SH2D3C: variants seen among roughly 807,000 people sequenced by gnomAD.
SH2D3C encodes the protein SH2 domain containing 3C.
Under a neutral mutation model 75.2 loss-of-function variants are expected in SH2D3C, and 25 were observed. The ratio of observed to expected loss-of-function variants is 0.33; its 90% CI spans 0.24 to 0.46. The LOEUF (loss-of-function observed/expected upper bound fraction) is 0.46. SH2D3C is among the 20% of genes least tolerant of loss of function. The probability of loss-of-function intolerance (pLI) is 1.00; values close to 1 mark genes in which losing one functional copy is unlikely to be tolerated. For synonymous variants in SH2D3C, 450 were observed against 473.7 expected, an observed-to-expected ratio of 0.95 and a Z score of 0.65; for missense variants, 933 against 1,165.3, an observed-to-expected ratio of 0.80 and a Z score of 2.90.
intron 2 of SH2D3C, among the ~76,000 whole-genome samples, chr9:127,765,912 CATTA>C (rs747636028): frequency 1.8e-4 from 28 of 152,314 alleles, no homozygotes; most frequent in South Asian, 6.2e-4. Context: ...TAATCATCAG[CATTA>C]ATTATTTAAA....
intron 3 of SH2D3C, among the ~76,000 whole-genome samples, chr9:127,753,258 G>C (rs1845252728): frequency 6.6e-6 from 1 of 152,130 alleles, no homozygotes; most frequent in Non-Finnish European, 1.5e-5. Flanking sequence ...TGGGCAGAAG[G>C]AGTGGGGGAA....
chr9:127,762,538 C>T (rs3962613), intron 2 of SH2D3C: 416,626 of 419,012 alleles, frequency 0.99, 207,173 homozygotes, highest in East Asian at 1. Flanking sequence ...GCCAAAAACC[C>T]TGTGGTCCTT....
Position 127,744,793 on chromosome 9 carries a change from C to T in SH2D3C, c.1571G>A (p.Arg524Lys), listed in dbSNP as rs903894910. Residue 524 changes from arginine (R) to lysine (K), a missense_variant, in exon 7 of 12, where the codon AGG becomes AAG. By Grantham distance (26) the Arg-to-Lys change is conservative (BLOSUM62 2). Transcript: ENST00000314830. ...CCCATTTTCTGACAGTTCCTTTAGCCTCTCCCCATAGCTCCTGGCCTGCTG... is the reference window on the plus strand; with the variant it reads ...CCCATTTTCTGACAGTTCCTTTAGCTTCTCCCCATAGCTCCTGGCCTGCTG... ...SSQQARSYGE[R>K]LKELSENGAP... is the part of the protein sequence containing the mutation. 3.7e-6 allele frequency: 6 copies of T among 1,614,126 alleles called. No individual in the cohort carries two copies. In the African/African-American group the frequency reaches 8.0e-5, roughly 22 times the overall value.
At position 127,749,294 on chromosome 9, in the gene SH2D3C, G is replaced by T. The variant is rs1845125580; in HGVS notation, c.1056C>A (p.Gly352=). The change falls in exon 5 of 12, where the codon GGC becomes GGA. Residue 352 remains glycine, a synonymous_variant. Coordinates refer to ENST00000314830, the MANE Select transcript of SH2D3C (RefSeq NM_170600.3). The surrounding 1 kb of genome is among the most constrained non-coding windows in gnomAD (Gnocchi z 5.9). ...ASPVSPSGPK[G]SHMKRRSVTM... ...TGACGCTGCGCCGCTTCATGTGGCT[G>T]CCCTTGGGGCCTGAGGGGCTGACGG... 1 of 1,609,402 alleles carries T rather than the reference G, an allele frequency of 6.2e-7. No individual in the cohort carries two copies. The highest frequency in any genetic ancestry group is 8.5e-7 in the Non-Finnish European group (1 of 1,177,560).
intron 3 of SH2D3C, among the ~76,000 whole-genome samples, chr9:127,756,691 C>G (rs1845388620): frequency 7.3e-6 from 1 of 137,214 alleles, no homozygotes; most frequent in South Asian, 2.3e-4. Flanking sequence ...GTCACCCAGG[C>G]TGGAGTGCAG....
intron 2 of SH2D3C, among the ~76,000 whole-genome samples, chr9:127,764,791 T>A (rs927184576): frequency 2.6e-5 from 4 of 152,116 alleles, no homozygotes; most frequent in Admixed American, 6.6e-5. Context: ...GACTGCAACC[T>A]CCGCCTCCCG....
At chr9:127,755,293 G>C (rs1006747879) in intron 3 of SH2D3C, 1 of 1,117,824 alleles carries the variant, frequency 8.9e-7, no homozygotes, top group Non-Finnish European at 1.1e-6. Flanking sequence ...GCCTTGTCGG[G>C]GGAGGAGCGG....
intron 2 of SH2D3C, chr9:127,762,143 G>A (rs1845543204): frequency 8.7e-7 from 1 of 1,152,840 alleles, no homozygotes; most frequent in Admixed American, 4.0e-5. Flanking sequence ...TCCTAGGGTA[G>A]AGTGACCCAG....
intron 7 of SH2D3C, among the ~76,000 whole-genome samples, chr9:127,743,684 C>T (rs935553960): frequency 2.0e-4 from 30 of 152,288 alleles, no homozygotes; most frequent in African/African-American, 7.2e-4. Context: ...ACATCTTTGC[C>T]TTGTTTCTTT....
In SH2D3C at chr9:127,749,646, T is replaced by C; in HGVS notation, c.704A>G (p.Gln235Arg). 4 of 1,557,552 alleles carry C rather than the reference T, an allele frequency of 2.6e-6. No individual in the cohort carries two copies. Among genetic ancestry groups the C allele is most frequent in the Non-Finnish European group, 3.5e-6 (4 of 1,155,310 alleles). Residue 235 changes from glutamine (Q) to arginine (R), a missense_variant, in exon 5 of 12, where the codon CAA (glutamine) becomes CGA (arginine). By Grantham distance (43) the Gln-to-Arg change is conservative. Coordinates refer to ENST00000314830, the MANE Select transcript of SH2D3C (RefSeq NM_170600.3). The surrounding 1 kb of genome is among the most constrained non-coding windows in gnomAD (Gnocchi z 5.9). ...IPREVSETLV[Q>R]RNGDFLIRDS... is the part of the protein sequence containing the mutation. ...CCGGATGAGGAAGTCGCCGTTGCGT[T>C]GTACCAAGGTCTCCGAGACCTGCAG...
At chr9:127,752,525 C>A (rs907772090) in intron 3 of SH2D3C, among the ~76,000 whole-genome samples, 1 of 152,030 alleles carries the variant, frequency 6.6e-6, no homozygotes, top group African/African-American at 2.4e-5. Context: ...CTCCCTGGGG[C>A]CCCTCGCTCC....
chr9:127,765,307 T>C (rs1845612817), intron 2 of SH2D3C, among the ~76,000 whole-genome samples: 1 of 152,198 alleles, frequency 6.6e-6, no homozygotes, highest in African/African-American at 2.4e-5. Flanking sequence ...TCATCTGACT[T>C]AGCACGCATT....
chr9:127,765,196 A>G (rs767278206), intron 2 of SH2D3C, among the ~76,000 whole-genome samples: 5 of 152,084 alleles, frequency 3.3e-5, no homozygotes, highest in Non-Finnish European at 7.3e-5. Context: ...CTTCACTAAA[A>G]TGTCCCCTTC....
In SH2D3C at chr9:127,774,539, T is replaced by C. The variant is rs947368987; in HGVS notation, c.38-72A>G. ...ATCAGTGATAATAATGAACAATTCCTGCAGTTTCACTCGGTGAGGGGCTGA... is the reference window on the plus strand; with the variant it reads ...ATCAGTGATAATAATGAACAATTCCCGCAGTTTCACTCGGTGAGGGGCTGA... On this transcript the variant is annotated intron_variant, in intron 1 of 11. Transcript: ENST00000314830. This position sits in a 1 kb window ranked among gnomAD's most constrained non-coding sequence, Gnocchi z 4.3. 4 of 845,602 alleles carry C rather than the reference T, an allele frequency of 4.7e-6. No individual in the cohort carries two copies. Among genetic ancestry groups the C allele is most frequent in the Non-Finnish European group, 7.9e-6 (4 of 508,534 alleles). The allele number at this position is 845,602 out of a possible 1,614,324, so 52.4% of individuals were successfully genotyped here. A position where few individuals can be genotyped will look rare whatever the true frequency, so the allele number is the denominator to read the frequency against.
At position 127,739,890 on chromosome 9, in the gene SH2D3C, T is replaced by C. The variant is rs775985288; in HGVS notation, c.2201-2A>G. 2 of 1,517,992 alleles carry C rather than the reference T, an allele frequency of 1.3e-6. No individual in the cohort carries two copies. The highest frequency in any genetic ancestry group is 1.8e-6 in the Non-Finnish European group (2 of 1,125,910). 94.0% of individuals were successfully genotyped at this position (1,517,992 alleles called of 1,614,324 possible). A position where few individuals can be genotyped will look rare whatever the true frequency, so the allele number is the denominator to read the frequency against. ...TGGTGTTGCTCAGCGGCGGGCCTTC[T>C]GCAAGGAGAAAGGCAGCAGGCGCTT... On this transcript the variant is annotated splice_acceptor_variant, in intron 10 of 11. Coordinates refer to ENST00000314830, the MANE Select transcript of SH2D3C (RefSeq NM_170600.3). LOFTEE classifies it high-confidence loss of function. The surrounding 1 kb of genome is among the most constrained non-coding windows in gnomAD (Gnocchi z 4.3).
Position 127,738,480 on chromosome 9 carries a change from A to G in SH2D3C, c.*266T>C, listed in dbSNP as rs1281295276. 2 of 333,794 alleles carry G rather than the reference A, an allele frequency of 6.0e-6. No individual in the cohort carries two copies. Among genetic ancestry groups the G allele is most frequent in the Non-Finnish European group, 1.1e-5 (2 of 181,984 alleles). 20.7% of individuals were successfully genotyped at this position (333,794 alleles called of 1,614,324 possible). A position where few individuals can be genotyped will look rare whatever the true frequency, so the allele number is the denominator to read the frequency against. On this transcript the variant is annotated 3_prime_UTR_variant, in exon 12 of 12. Coordinates refer to ENST00000314830, the MANE Select transcript of SH2D3C (RefSeq NM_170600.3). This position sits in a 1 kb window ranked among gnomAD's most constrained non-coding sequence, Gnocchi z 5.0. Reference sequence around the variant, plus strand: ...AGCCTGCCTCCCATGGCTCGAAAACAGGGAACCCCAGCAGGAAGGGGAGCA... The same window carrying G: ...AGCCTGCCTCCCATGGCTCGAAAACGGGGAACCCCAGCAGGAAGGGGAGCA...
chr9:127,775,449 G>A (rs1056325371), intron 1 of SH2D3C, among the ~76,000 whole-genome samples: 1 of 152,104 alleles, frequency 6.6e-6, no homozygotes, highest in Non-Finnish European at 1.5e-5. Flanking sequence ...GGTCAACATG[G>A]TGAAACCCTG....
chr9:127,749,206 C>T lies in SH2D3C; in HGVS notation c.1139+5G>A. ...CCCCATTTGACAAATGGGGCCCTGG[C>T]TGACCTGGTGGGGCAGCCATCGCTG... On this transcript the variant is annotated splice_donor_5th_base_variant and intron_variant, in intron 5 of 11. Coordinates refer to ENST00000314830, the MANE Select transcript of SH2D3C (RefSeq NM_170600.3). The surrounding 1 kb of genome is among the most constrained non-coding windows in gnomAD (Gnocchi z 5.9). The T allele has an allele frequency of 6.5e-7, 1 of 1,547,098 alleles. No homozygotes were observed. The highest frequency in any genetic ancestry group is 1.2e-5 in the South Asian group (1 of 82,016).
chr9:127,742,411 AT>A (rs888298197), intron 8 of SH2D3C, among the ~76,000 whole-genome samples: 1 of 152,090 alleles, frequency 6.6e-6, no homozygotes, highest in African/African-American at 2.4e-5. Context: ...TAATTTTTGT[AT>A]TTTTAGTAAA....
Sources: gnomAD v4.1 joint callset for allele counts (sites outside exome capture counted in the v4.1 genomes callset) on GRCh38, gnomAD v4.1.1 for gene constraint, Gnocchi (gnomAD v3.1) non-coding constraint, MANE v1.5 for transcripts, NCBI Gene and HGNC (gene_info 2026-07-23, HGNC 2026-07-21) for gene names.